The following NUCKS1 variants were observed in gnomAD, a reference collection of about 807,000 sequenced individuals.
The protein encoded by NUCKS1 is nuclear ubiquitous casein and cyclin-dependent kinase substrate 1.
Under a neutral mutation model 33.0 loss-of-function variants are expected in NUCKS1, and 2 were observed. The observed-to-expected ratio is 0.06, with a 90% CI of 0.02 to 0.19. The LOEUF (loss-of-function observed/expected upper bound fraction) is 0.19. Ranked by LOEUF, NUCKS1 falls within the 10% of genes least tolerant of loss-of-function variation. NUCKS1 has a pLI of 1.00. For synonymous variants in NUCKS1, 106 were observed against 102.8 expected, an observed-to-expected ratio of 1.03 and a Z score of -0.19; for missense variants, 201 against 293.6, an observed-to-expected ratio of 0.68 and a Z score of 2.31.
chr1:205,739,780 G>T (rs568231614), intron 1 of NUCKS1, among the ~76,000 whole-genome samples: 2 of 152,094 alleles, frequency 1.3e-5, no homozygotes, highest in East Asian at 3.9e-4. Flanking sequence ...TTGTAGAGAT[G>T]AGGTCTCCCT....
At chr1:205,743,406 T>C (rs1370608428) in intron 1 of NUCKS1, among the ~76,000 whole-genome samples, 1 of 152,230 alleles carries the variant, frequency 6.6e-6, no homozygotes, top group Non-Finnish European at 1.5e-5. Context: ...TCTTTTGTTG[T>C]GCCAGGATTA....
At chr1:205,746,445 T>TCACACACACACA (rs769978235) in intron 1 of NUCKS1, among the ~76,000 whole-genome samples, 2 of 84,868 alleles carry the variant, frequency 2.4e-5, no homozygotes, top group African/African-American at 3.8e-5. Flanking sequence ...CTTCTCTCTC[T>TCACACACACACA]CTCTCTCTCA....
At chr1:205,745,905 A>AAACATTTTAAACATTTAAAATG (rs1158595167) in intron 1 of NUCKS1, among the ~76,000 whole-genome samples, 6 of 152,244 alleles carry the variant, frequency 3.9e-5, no homozygotes, top group Admixed American at 1.3e-4. Context: ...TTGAAAATGA[A>AAACATTTTAAACATTTAAAATG]AACATTTTAA....
At chr1:205,731,701 C>A (rs1031868609) in intron 1 of NUCKS1, among the ~76,000 whole-genome samples, 2 of 152,058 alleles carry the variant, frequency 1.3e-5, no homozygotes, top group East Asian at 3.9e-4. Context: ...ACCATCCTGG[C>A]CAACGTGGTG....
chr1:205,738,909 C>G lies in NUCKS1; in HGVS notation c.18-9288G>C, dbSNP rs148631985. Among the ~76,000 whole-genome samples the G allele has an allele frequency of 4.2e-3, 643 of 152,154 alleles. 5 individuals carry two copies. The highest frequency in any genetic ancestry group is 0.015 in the African/African-American group (604 of 41,516). The stretch of plus-strand genomic sequence containing the variant: ...TGGGTGAGAGAGGGAGAACCTGTCT[C>G]AAATGAATAACTACATAAAATTTAA... On this transcript the variant is annotated intron_variant, in intron 1 of 6. Coordinates refer to ENST00000367142, the MANE Select transcript of NUCKS1 (RefSeq NM_022731.5).
intron 3 of NUCKS1, 25 bp downstream of exon 3, chr1:205,727,675 G>A: frequency 6.8e-7 from 1 of 1,461,456 alleles, no homozygotes; most frequent in Non-Finnish European, 9.6e-7. Flanking sequence ...AGTGTAAGCA[G>A]GAACAGAAAA....
Position 205,718,203 on chromosome 1 carries a change from T to G in NUCKS1, c.*77A>C. On this transcript the variant is annotated 3_prime_UTR_variant, in exon 7 of 7. Coordinates refer to ENST00000367142, the MANE Select transcript of NUCKS1 (RefSeq NM_022731.5). ...AAACCATGTTCTATCTTAAGTAGGT[T>G]CTTTTTTTTCCTCCCTCTTTTTTCT... is the stretch of plus-strand genomic sequence containing the variant. 4 of 1,510,682 alleles carry G rather than the reference T, an allele frequency of 2.6e-6. No individual in the cohort carries two copies. The highest frequency in any genetic ancestry group is 3.5e-6 in the Non-Finnish European group (4 of 1,140,966). The allele number at this position is 1,510,682 out of a possible 1,614,324, so 93.6% of individuals were successfully genotyped here. A position where few individuals can be genotyped will look rare whatever the true frequency, so the allele number is the denominator to read the frequency against.
intron 1 of NUCKS1, among the ~76,000 whole-genome samples, chr1:205,741,965 GTC>G (rs1423521056): frequency 6.6e-6 from 1 of 152,154 alleles, no homozygotes; most frequent in Non-Finnish European, 1.5e-5. Flanking sequence ...GTTTCTGATA[GTC>G]TCTGATTTTA....
At chr1:205,724,043 A>G in intron 3 of NUCKS1, 62 bp from the exon 4 acceptor site, 1 of 1,179,438 alleles carries the variant, frequency 8.5e-7, no homozygotes. Flanking sequence ...AAGTGAACAT[A>G]GATCTCTGAT....
intron 4 of NUCKS1, among the ~76,000 whole-genome samples, chr1:205,723,304 A>C (rs1237115630): frequency 1.3e-5 from 2 of 152,218 alleles, no homozygotes; most frequent in Non-Finnish European, 2.9e-5. Flanking sequence ...TGGATTAAAA[A>C]TCTCAATTCT....
intron 1 of NUCKS1, among the ~76,000 whole-genome samples, chr1:205,743,498 T>G (rs1654233316): frequency 6.6e-6 from 1 of 152,272 alleles, no homozygotes; most frequent in Non-Finnish European, 1.5e-5. Context: ...TCAGTCAAGT[T>G]AATCATTTCC....
rs547007000 is a variant in NUCKS1 at position 205,717,777 on chromosome 1, A to AT, written c.*502dup. ...TGTGTCTATAGACAAATAAACTCAT[A>AT]TTAGATGACAATTGATTTTTTAAAA... On this transcript the variant is annotated 3_prime_UTR_variant, in exon 7 of 7. Transcript: ENST00000367142. 16 of 985,202 alleles carry AT rather than the reference A, an allele frequency of 1.6e-5. No individual in the cohort carries two copies. In the East Asian group the frequency reaches 1.8e-3, roughly 112 times the overall value. The allele number at this position is 985,202 out of a possible 1,614,324, so 61.0% of individuals were successfully genotyped here.
At chr1:205,729,543 T>G in intron 2 of NUCKS1, 29 bp downstream of exon 2, 1 of 1,569,966 alleles carries the variant, frequency 6.4e-7, no homozygotes, top group East Asian at 2.2e-5. Flanking sequence ...TCAGTCCAAC[T>G]TAAAATTTGT....
At position 205,727,097 on chromosome 1, in the gene NUCKS1, G is replaced by A. The variant is rs1653799435; in HGVS notation, c.173+603C>T. Reference sequence around the variant, plus strand: ...TCCTGCCTCGGACTCCTGAGTAGCTGGGACTACAGGCAAGTGCCACCATTC... The same window carrying A: ...TCCTGCCTCGGACTCCTGAGTAGCTAGGACTACAGGCAAGTGCCACCATTC... On this transcript the variant is annotated intron_variant, in intron 3 of 6. Transcript: ENST00000367142. Among the ~76,000 whole-genome samples, 3 of 152,044 alleles carry A rather than the reference G, an allele frequency of 2.0e-5. 1 individual carries two copies. The highest frequency in any genetic ancestry group is 2.0e-4 in the Admixed American group (3 of 15,262).
Position 205,718,176 on chromosome 1 carries a change from C to G in NUCKS1, c.*104G>C, listed in dbSNP as rs368821161. The G allele has an allele frequency of 7.1e-7, 1 of 1,415,798 alleles. No individual in the cohort carries two copies. The allele number at this position is 1,415,798 out of a possible 1,614,324, so 87.7% of individuals were successfully genotyped here. The stretch of plus-strand genomic sequence containing the variant: ...GAAAGCCCATGAGTCAAGCCATAGC[C>G]AAAACCATGTTCTATCTTAAGTAGG... On this transcript the variant is annotated 3_prime_UTR_variant, in exon 7 of 7. Coordinates refer to ENST00000367142, the MANE Select transcript of NUCKS1 (RefSeq NM_022731.5).
chr1:205,750,118 T>G lies in NUCKS1; in HGVS notation c.-145A>C, dbSNP rs1381856558. The G allele has an allele frequency of 2.6e-6, 2 of 774,760 alleles. No individual in the cohort carries two copies. The highest frequency in any genetic ancestry group is 3.2e-5 in the East Asian group (1 of 31,104). 48.0% of individuals were successfully genotyped at this position (774,760 alleles called of 1,614,324 possible). A position where few individuals can be genotyped will look rare whatever the true frequency, so the allele number is the denominator to read the frequency against. On this transcript the variant is annotated 5_prime_UTR_variant, in exon 1 of 7. Transcript: ENST00000367142. The stretch of plus-strand genomic sequence containing the variant: ...GAGCTGCTGGCTTCTCAAACTCCGC[T>G]GCTCTTTGGTTCAGGGCTCCTGGAA...
chr1:205,719,957 T>A (rs1671892445), intron 5 of NUCKS1, among the ~76,000 whole-genome samples: 1 of 152,224 alleles, frequency 6.6e-6, no homozygotes, highest in African/African-American at 2.4e-5. Context: ...AAACTGAAAC[T>A]ATCAAATAAC....
At chr1:205,730,726 G>A (rs149112429) in intron 1 of NUCKS1, among the ~76,000 whole-genome samples, 39 of 151,126 alleles carry the variant, frequency 2.6e-4, no homozygotes, top group Non-Finnish European at 5.2e-4. Context: ...CTCGTGATCC[G>A]CCCGTCTTGG....
intron 1 of NUCKS1, 38 bp downstream of exon 1, chr1:205,749,919 C>T (rs1302490585): frequency 1.9e-6 from 3 of 1,600,366 alleles, no homozygotes; most frequent in Non-Finnish European, 2.6e-6. Context: ...GCCCCCATCC[C>T]CCTCCAACCC....
Sources: gnomAD v4.1 joint callset for allele counts (sites outside exome capture counted in the v4.1 genomes callset) on GRCh38, gnomAD v4.1.1 for gene constraint, MANE v1.5 for transcripts, NCBI Gene and HGNC (gene_info 2026-07-23, HGNC 2026-07-21) for gene names.